HAUS6: variants seen among roughly 807,000 people sequenced by gnomAD.
HAUS6 encodes the protein HAUS augmin-like complex subunit 6.
A neutral mutation model predicts 106.8 loss-of-function variants in HAUS6; 80 were observed. That is an observed-to-expected ratio of 0.75 (90% CI 0.63 to 0.90). The LOEUF is 0.90. Ranked by LOEUF, HAUS6 falls within the 40% of genes least tolerant of loss-of-function variation. The pLI, the probability that HAUS6 is intolerant of heterozygous loss-of-function variation, is 0.00. For missense variants in HAUS6, 1,155 were observed against 1,118.1 expected, an observed-to-expected ratio of 1.03 and a Z score of -0.47; for synonymous variants, 356 against 379.1, an observed-to-expected ratio of 0.94 and a Z score of 0.71.
chr9:19,067,253 G>C (rs1366414258), intron 12 of HAUS6, among the ~76,000 whole-genome samples: 1 of 152,014 alleles, frequency 6.6e-6, no homozygotes, highest in Non-Finnish European at 1.5e-5. Context: ...ATGCAAAAAA[G>C]GTATTATCTT....
At chr9:19,086,866 C>T in intron 6 of HAUS6, 84 bp from the exon 7 acceptor site, 1 of 675,714 alleles carries the variant, frequency 1.5e-6, no homozygotes, top group Middle Eastern at 3.8e-4. Context: ...GTCTGCAAAT[C>T]AACCCACCAA....
chr9:19,084,347 T>C (rs1367553148), intron 7 of HAUS6, among the ~76,000 whole-genome samples: 1 of 152,180 alleles, frequency 6.6e-6, no homozygotes, highest in East Asian at 1.9e-4. Flanking sequence ...GAGGGCACTG[T>C]TTCCCCGTGG....
intron 11 of HAUS6, among the ~76,000 whole-genome samples, chr9:19,075,975 A>C (rs10738527): frequency 0.83 from 122,054 of 147,834 alleles, 50,425 homozygotes; most frequent in African/African-American, 0.86. Flanking sequence ...AAAAAAAAAA[A>C]AAAACACAAG....
chr9:19,079,675 G>C (rs1174817124), intron 9 of HAUS6, among the ~76,000 whole-genome samples: 1 of 152,114 alleles, frequency 6.6e-6, no homozygotes, highest in Non-Finnish European at 1.5e-5. Flanking sequence ...GGCTGAGGCA[G>C]GCGGATCACC....
intron 5 of HAUS6, among the ~76,000 whole-genome samples, chr9:19,088,144 G>C (rs928439516): frequency 1.2e-4 from 18 of 152,234 alleles, no homozygotes; most frequent in African/African-American, 4.3e-4. Flanking sequence ...GTAGGGTACA[G>C]TGGCTCACGC....
At chr9:19,102,118 T>C (rs1818001126) in intron 1 of HAUS6, among the ~76,000 whole-genome samples, 9 of 152,186 alleles carry the variant, frequency 5.9e-5, no homozygotes, top group Admixed American at 5.9e-4. Context: ...AATTAAAAAT[T>C]ATAAAATTAA....
chr9:19,084,100 CA>C (rs941642842), intron 7 of HAUS6, among the ~76,000 whole-genome samples: 1 of 145,344 alleles, frequency 6.9e-6, no homozygotes, highest in African/African-American at 2.5e-5. Flanking sequence ...TTGTAACAAT[CA>C]AAAAGTAGAA....
chr9:19,081,889 A>G (rs932022537), intron 8 of HAUS6, among the ~76,000 whole-genome samples: 4 of 143,496 alleles, frequency 2.8e-5, no homozygotes, highest in Non-Finnish European at 4.6e-5. Context: ...ACATGGTGAA[A>G]CCCCGTCTCT....
In HAUS6 at chr9:19,099,224, C is replaced by T. The variant is rs1427061484; in HGVS notation, c.129-2455G>A. Among the ~76,000 whole-genome samples, 26 of 146,912 alleles carry T rather than the reference C, an allele frequency of 1.8e-4. No homozygotes were observed. The South Asian group carries it at 4.8e-3, about 27-fold the overall frequency. On this transcript the variant is annotated intron_variant, in intron 1 of 16. Transcript: ENST00000380502. ...CTCTGTCCCCCAGGCTGGAGTGCAG[C>T]GGCGCGATCTCGGCTCACTGCAAGC...
At chr9:19,094,732 AGT>A (rs758223827) in intron 2 of HAUS6, among the ~76,000 whole-genome samples, 11 of 152,178 alleles carry the variant, frequency 7.2e-5, no homozygotes, top group Non-Finnish European at 1.6e-4. Flanking sequence ...TGGAGTCTGC[AGT>A]GAGCCAAGAT....
In HAUS6 at chr9:19,078,202, A is replaced by C. The variant is rs1329487222; in HGVS notation, c.1165T>G (p.Phe389Val). The C allele has an allele frequency of 6.2e-7, 1 of 1,606,866 alleles. No individual in the cohort carries two copies. Among genetic ancestry groups the C allele is most frequent in the East Asian group, 2.2e-5 (1 of 44,856 alleles). ...KWKEFLGLSP[F>V]SLIKGWTPSV... ...GGAGTCCAACCTTTAATTAGACTGA[A>C]AGGAGACAAACCAAGAAATTCTTTC... Residue 389 changes from phenylalanine (F) to valine (V), a missense_variant, in exon 10 of 17, where the codon TTC becomes GTC. Transcript: ENST00000380502.
Position 19,054,744 on chromosome 9 carries a change from G to C in HAUS6, c.*1599C>G, listed in dbSNP as rs1174103510. On this transcript the variant is annotated 3_prime_UTR_variant, in exon 17 of 17. Transcript: ENST00000380502. ...AAATGTGAATCTCTATTTCCTAGCAGCAGTTCTCAAACTCTTTCTCGAGCT... is the reference window on the plus strand; with the variant it reads ...AAATGTGAATCTCTATTTCCTAGCACCAGTTCTCAAACTCTTTCTCGAGCT... The C allele has an allele frequency of 6.6e-5, 10 of 152,160 alleles. No homozygotes were observed. 9.4% of individuals were successfully genotyped at this position (152,160 alleles called of 1,614,324 possible).
At chr9:19,071,898 T>A (rs1836888379) in intron 11 of HAUS6, among the ~76,000 whole-genome samples, 2 of 150,028 alleles carry the variant, frequency 1.3e-5, no homozygotes, top group Non-Finnish European at 3.0e-5. Flanking sequence ...CAACCAGAAA[T>A]CAAAAATTAA....
intron 1 of HAUS6, among the ~76,000 whole-genome samples, chr9:19,098,323 A>C (rs1817906208): frequency 6.6e-6 from 1 of 151,984 alleles, no homozygotes; most frequent in African/African-American, 2.4e-5. Flanking sequence ...CTGTAATCCC[A>C]GCTACTCAGG....
chr9:19,093,097 C>T, intron 4 of HAUS6, 74 bp downstream of exon 4: 1 of 1,079,344 alleles, frequency 9.3e-7, no homozygotes, highest in Non-Finnish European at 1.3e-6. Flanking sequence ...AAGATCTCTT[C>T]ACGATTTAAA....
chr9:19,057,274 T>C (rs1216044714), intron 16 of HAUS6: 5 of 152,368 alleles, frequency 3.3e-5, no homozygotes, highest in African/African-American at 1.2e-4. Context: ...TATGACTGTG[T>C]CCTTATAAGA....
chr9:19,065,479 G>C (rs1836740911), intron 12 of HAUS6, among the ~76,000 whole-genome samples: 1 of 151,532 alleles, frequency 6.6e-6, no homozygotes, highest in Non-Finnish European at 1.5e-5. Context: ...AATGAAAATT[G>C]GTTAATATGT....
intron 14 of HAUS6, among the ~76,000 whole-genome samples, chr9:19,062,710 G>A (rs571310943): frequency 1.4e-4 from 21 of 152,296 alleles, no homozygotes; most frequent in African/African-American, 5.1e-4. Flanking sequence ...CACTCAGGCT[G>A]GAGTGCAGTG....
At chr9:19,089,620 G>T in intron 4 of HAUS6, 61 bp from the exon 5 acceptor site, 1 of 1,280,362 alleles carries the variant, frequency 7.8e-7, no homozygotes, top group Non-Finnish European at 1.1e-6. Flanking sequence ...TGGGTTATCA[G>T]AAATGAACAT....
Sources: gnomAD v4.1 joint callset for allele counts (sites outside exome capture counted in the v4.1 genomes callset) on GRCh38, gnomAD v4.1.1 for gene constraint, MANE v1.5 for transcripts, NCBI Gene and HGNC (gene_info 2026-07-23, HGNC 2026-07-21) for gene names.